The following DPYD variants were observed in gnomAD, a reference collection of about 807,000 sequenced individuals.
DPYD encodes the protein dihydropyrimidine dehydrogenase.
Under a neutral mutation model 116.2 loss-of-function variants are expected in DPYD, and 109 were observed. The ratio of observed to expected loss-of-function variants is 0.94; its 90% CI spans 0.80 to 1.10. The LOEUF is 1.10. Among genes scored for constraint, DPYD ranks in the 50% least tolerant of loss-of-function variants. The pLI, the probability that DPYD is intolerant of heterozygous loss-of-function variation, is 0.00. For synonymous variants in DPYD, 440 were observed against 432.0 expected (o/e 1.02, Z -0.23); for missense variants, 1,302 against 1,254.5 (o/e 1.04, Z -0.57).
At chr1:97,524,581 T>C (rs1199027804) in intron 12 of DPYD, among the ~76,000 whole-genome samples, 2 of 152,184 alleles carry the variant, frequency 1.3e-5, no homozygotes, top group Non-Finnish European at 2.9e-5. Context: ...CCAAGATAAC[T>C]TACCGATATA....
In DPYD at chr1:97,588,728, G is replaced by A. The variant is rs141945680; in HGVS notation, c.1128+4490C>T. Among the ~76,000 whole-genome samples the A allele has an allele frequency of 8.1e-4, 124 of 152,312 alleles. 1 individual carries two copies. The highest frequency in any genetic ancestry group is 2.5e-3 in the African/African-American group (104 of 41,586). ...CCCTAAGGACCCATGGCTGAGAAGC[G>A]CTAGTTTGTCAGTAGCATCCTATTT... On this transcript the variant is annotated intron_variant, in intron 10 of 22. Coordinates refer to ENST00000370192, the MANE Select transcript of DPYD (RefSeq NM_000110.4).
chr1:97,746,551 AT>A, intron 3 of DPYD, among the ~76,000 whole-genome samples: 1 of 152,258 alleles, frequency 6.6e-6, no homozygotes, highest in South Asian at 2.1e-4. Context: ...TCTTAAACGT[AT>A]TTGTTTCGCT....
chr1:97,576,538 G>A (rs968473044), intron 10 of DPYD, among the ~76,000 whole-genome samples: 2 of 152,114 alleles, frequency 1.3e-5, no homozygotes, highest in Non-Finnish European at 2.9e-5. Context: ...AATTGGACAT[G>A]ACTAAATCAA....
At position 97,827,965 on chromosome 1, in the gene DPYD, C is replaced by G. The variant is rs181854203; in HGVS notation, c.233+149G>C. The G allele has an allele frequency of 3.3e-4, 243 of 737,718 alleles. 4 individuals carry two copies. Among genetic ancestry groups the G allele is most frequent in the Admixed American group, 2.6e-3 (115 of 44,600 alleles). 45.7% of individuals were successfully genotyped at this position (737,718 alleles called of 1,614,324 possible). ...TTTATGCAGCTTCAAAACCAAAGTA[C>G]AGCCTCAAGGGAAGTCTCTCCACTG... On this transcript the variant is annotated intron_variant, in intron 3 of 22. Transcript: ENST00000370192.
In DPYD at chr1:97,721,634, T is replaced by G. The variant is rs771534236; in HGVS notation, c.359A>C (p.Asn120Thr). The G allele has an allele frequency of 6.2e-7, 1 of 1,611,450 alleles. No individual in the cohort carries two copies. ...CATTCCACAAGTCAGACCAAGTGGG[T>G]TGTCAGAAAATATCATCTTAGCAGC... ...YGAAKMIFSD[N>T]PLGLTCGMVC... is the part of the protein sequence containing the mutation. The change falls in exon 5 of 23, where the codon AAC (asparagine) becomes ACC (threonine). Residue 120 changes from asparagine to threonine, a missense_variant. Asn to Thr is a moderately conservative substitution (Grantham distance 65). Coordinates refer to ENST00000370192, the MANE Select transcript of DPYD (RefSeq NM_000110.4).
In DPYD at chr1:97,234,984, G is replaced by A; in HGVS notation, c.2310C>T (p.Ile770=). ...TCACAGCTCTCAAAGCAATAGGTCTGATTGCTGTCCCTACACAAAATCAGA... is the reference window on the plus strand; with the variant it reads ...TCACAGCTCTCAAAGCAATAGGTCTAATTGCTGTCCCTACACAAAATCAGA... ...TTYGGVSGTA[I]RPIALRAVTS... is the part of the protein sequence containing the mutation. The change falls in exon 19 of 23, where the codon ATC becomes ATT. Residue 770 remains isoleucine (I), a synonymous_variant. Coordinates refer to ENST00000370192, the MANE Select transcript of DPYD (RefSeq NM_000110.4). 3 of 1,614,032 alleles carry A rather than the reference G, an allele frequency of 1.9e-6. No individual in the cohort carries two copies. The highest frequency in any genetic ancestry group is 2.5e-6 in the Non-Finnish European group (3 of 1,179,982).
chr1:97,130,711 CCTCT>C (rs201031721), intron 20 of DPYD, among the ~76,000 whole-genome samples: 19 of 135,942 alleles, frequency 1.4e-4, no homozygotes, highest in South Asian at 2.6e-4. Context: ...TCCCTCTCTC[CCTCT>C]CTCTTTCTTT....
At chr1:97,177,123 T>C (rs2101789582) in intron 20 of DPYD, among the ~76,000 whole-genome samples, 1 of 152,264 alleles carries the variant, frequency 6.6e-6, no homozygotes, top group Middle Eastern at 3.4e-3. Flanking sequence ...TAATAACTGT[T>C]TAAGCGTTCT....
At chr1:97,858,388 T>C (rs977959114) in intron 2 of DPYD, among the ~76,000 whole-genome samples, 9 of 152,232 alleles carry the variant, frequency 5.9e-5, no homozygotes, top group Admixed American at 6.5e-5. Context: ...TATTGTGTTA[T>C]GGCTATTTAA....
At chr1:97,106,671 T>G (rs1651175085) in intron 20 of DPYD, among the ~76,000 whole-genome samples, 1 of 152,086 alleles carries the variant, frequency 6.6e-6, no homozygotes, top group Admixed American at 6.6e-5. Flanking sequence ...TAGAGTTAAG[T>G]ATGCCATTGG....
At chr1:97,369,463 A>G (rs1671204267) in intron 16 of DPYD, among the ~76,000 whole-genome samples, 1 of 152,150 alleles carries the variant, frequency 6.6e-6, no homozygotes, top group Non-Finnish European at 1.5e-5. Context: ...ACTTATTAGG[A>G]ACTGTTCTAG....
chr1:97,359,335 G>A lies in DPYD; in HGVS notation c.2058+14226C>T, dbSNP rs148476487. Among the ~76,000 whole-genome samples, 169 of 152,272 alleles carry A rather than the reference G, an allele frequency of 1.1e-3. 2 individuals carry two copies. The East Asian group carries it at 0.03, about 27-fold the overall frequency. ...GAAAATATCAAATCTACATTTGATT[G>A]GTGTACCTGAAAGTGATGGGGAGAA... On this transcript the variant is annotated intron_variant, in intron 16 of 22. Coordinates refer to ENST00000370192, the MANE Select transcript of DPYD (RefSeq NM_000110.4).
At chr1:97,679,241 T>TA in intron 7 of DPYD, 59 bp from the exon 8 acceptor site, 1 of 872,554 alleles carries the variant, frequency 1.1e-6, no homozygotes, top group South Asian at 1.7e-5. Flanking sequence ...AAAATCTTAA[T>TA]ATTTAACATC....
chr1:97,618,444 C>T (rs555132760), intron 8 of DPYD, among the ~76,000 whole-genome samples: 2 of 149,284 alleles, frequency 1.3e-5, no homozygotes, highest in South Asian at 2.1e-4. Flanking sequence ...GGCATGATCT[C>T]GGTTCACTGC....
chr1:97,674,885 T>C (rs1177506550), intron 8 of DPYD, among the ~76,000 whole-genome samples: 6 of 152,226 alleles, frequency 3.9e-5, no homozygotes, highest in Admixed American at 2.6e-4. Flanking sequence ...AACTCACTAA[T>C]AGCTACTTAT....
chr1:97,097,649 G>A (rs1160537480), intron 21 of DPYD, among the ~76,000 whole-genome samples: 1 of 152,128 alleles, frequency 6.6e-6, no homozygotes, highest in African/African-American at 2.4e-5. Context: ...AGGGTTACCT[G>A]AGGAATCCTG....
intron 18 of DPYD, among the ~76,000 whole-genome samples, chr1:97,290,386 T>G (rs1167012515): frequency 1.3e-5 from 2 of 152,186 alleles, no homozygotes; most frequent in East Asian, 3.9e-4. Flanking sequence ...AAGTCAATCC[T>G]AAGCCAAAAC....
At chr1:97,786,922 T>A (rs1477323366) in intron 3 of DPYD, among the ~76,000 whole-genome samples, 2 of 152,224 alleles carry the variant, frequency 1.3e-5, no homozygotes, top group Admixed American at 1.3e-4. Context: ...TAAATTGTTC[T>A]CCTTTTGCAT....
chr1:97,370,459 C>T (rs983068810), intron 16 of DPYD, among the ~76,000 whole-genome samples: 1 of 152,104 alleles, frequency 6.6e-6, no homozygotes, highest in Non-Finnish European at 1.5e-5. Flanking sequence ...GGACAAATAT[C>T]TAATGCATGC....
Sources: allele counts gnomAD v4.1 joint callset (sites outside exome capture counted in the v4.1 genomes callset), GRCh38; gene constraint gnomAD v4.1.1; transcripts MANE v1.5; gene names NCBI Gene and HGNC (gene_info 2026-07-23, HGNC 2026-07-21).